Variants in MYCBP2 observed in about 807,000 individuals in gnomAD.
MYCBP2 encodes the protein E3 ubiquitin-protein ligase MYCBP2.
In MYCBP2, 120 loss-of-function variants were observed where a neutral mutation model predicts 525.3. The ratio of observed to expected loss-of-function variants is 0.23; its 90% CI spans 0.20 to 0.27. MYCBP2 has a LOEUF of 0.27. Among genes scored for constraint, MYCBP2 ranks in the 10% least tolerant of loss-of-function variants. The probability of loss-of-function intolerance (pLI) is 1.00; values close to 1 mark genes in which losing one functional copy is unlikely to be tolerated. For missense variants in MYCBP2, 4,149 were observed against 5,657.1 expected, an observed-to-expected ratio of 0.73 and a Z score of 8.55; for synonymous variants, 1,894 against 1,955.8, an observed-to-expected ratio of 0.97 and a Z score of 0.83.
At chr13:77,151,249 T>A (rs959326229) in intron 46 of MYCBP2, among the ~76,000 whole-genome samples, 1 of 152,216 alleles carries the variant, frequency 6.6e-6, no homozygotes, top group Non-Finnish European at 1.5e-5. Flanking sequence ...GATAGTGGAA[T>A]GAATCTACAT....
intron 2 of MYCBP2, among the ~76,000 whole-genome samples, chr13:77,294,158 TATATAAAGTAG>T (rs2077925712): frequency 1.8e-5 from 1 of 54,404 alleles, no homozygotes; most frequent in African/African-American, 4.3e-5. Flanking sequence ...ATATAAAATA[TATATAAAGTAG>T]ATATAAAGTA....
chr13:77,059,348 T>C (rs1197468936), intron 77 of MYCBP2, among the ~76,000 whole-genome samples, 175 bp downstream of exon 77: 1 of 152,082 alleles, frequency 6.6e-6, no homozygotes, highest in African/African-American at 2.4e-5. Flanking sequence ...GGTTTGGGCT[T>C]GAGAGCCTTA....
At chr13:77,157,669 G>C (rs555537937) in intron 45 of MYCBP2, among the ~76,000 whole-genome samples, 1 of 152,168 alleles carries the variant, frequency 6.6e-6, no homozygotes, top group South Asian at 2.1e-4. Flanking sequence ...AGAATCGCTT[G>C]AGTCCAGGAA....
chr13:77,267,827 T>C lies in MYCBP2; in HGVS notation c.1357+14A>G. On this transcript the variant is annotated intron_variant, in intron 8 of 82. Transcript: ENST00000544440. ...AAATTGCTTGTGGAGAAAAAATGAC[T>C]ACTTGAAACATACCTGGTAACATCA... 2 of 1,594,226 alleles carry C rather than the reference T, an allele frequency of 1.3e-6. No individual in the cohort carries two copies. The highest frequency in any genetic ancestry group is 1.7e-5 in the Admixed American group (1 of 59,666).
chr13:77,097,462 G>A lies in MYCBP2; in HGVS notation c.9692C>T (p.Ala3231Val). 1 of 1,613,478 alleles carries A rather than the reference G, an allele frequency of 6.2e-7. No individual in the cohort carries two copies. Among genetic ancestry groups the A allele is most frequent in the Non-Finnish European group, 8.5e-7 (1 of 1,179,742 alleles). Reference protein sequence around the residue: ...GNLFGEMAQLAVGGPEKDTIC... With the variant: ...GNLFGEMAQLVVGGPEKDTIC... ...GGTATCTTTCTCTGGTCCTCCTACT[G>A]CCAGCTGGGCCATCTCTCCAAACAA... Residue 3231 changes from alanine to valine, a missense_variant, in exon 56 of 83, where the codon GCA becomes GTA. This residue lies in a region of MYCBP2 where 653 missense variants were observed against 744.7 expected (regional missense o/e 0.88). Transcript: ENST00000544440.
intron 5 of MYCBP2, chr13:77,272,428 C>G (rs2075021924): frequency 6.6e-6 from 1 of 152,180 alleles, no homozygotes; most frequent in Non-Finnish European, 1.5e-5. Flanking sequence ...TATCAAAATT[C>G]ATAAGCTCAT....
intron 1 of MYCBP2, among the ~76,000 whole-genome samples, chr13:77,308,525 C>A (rs535288587): frequency 1.3e-5 from 2 of 152,330 alleles, no homozygotes; most frequent in South Asian, 4.1e-4. Context: ...CAGTACCTCT[C>A]CCACTGGATG....
chr13:77,266,941 G>A (rs1402549506), intron 8 of MYCBP2, among the ~76,000 whole-genome samples: 4 of 151,914 alleles, frequency 2.6e-5, no homozygotes, highest in African/African-American at 9.7e-5. Context: ...TCAAATAAAT[G>A]TTTGATGAAA....
At chr13:77,163,237 A>G (rs1360733917) in intron 43 of MYCBP2, among the ~76,000 whole-genome samples, 1 of 152,212 alleles carries the variant, frequency 6.6e-6, no homozygotes, top group Non-Finnish European at 1.5e-5. Flanking sequence ...TTTCTATGTC[A>G]AAAAGTATAT....
intron 17 of MYCBP2, among the ~76,000 whole-genome samples, chr13:77,240,053 G>A (rs1450478633): frequency 1.3e-5 from 2 of 151,988 alleles, no homozygotes; most frequent in Non-Finnish European, 2.9e-5. Context: ...TATCTTTCTT[G>A]TTTTATCTCT....
chr13:77,241,579 A>G (rs2068832312), intron 17 of MYCBP2, among the ~76,000 whole-genome samples: 1 of 152,194 alleles, frequency 6.6e-6, no homozygotes, highest in African/African-American at 2.4e-5. Context: ...GAAATATTTA[A>G]CATGCAATTT....
At chr13:77,158,541 C>A (rs967253987) in intron 44 of MYCBP2, among the ~76,000 whole-genome samples, 1 of 152,190 alleles carries the variant, frequency 6.6e-6, no homozygotes, top group Admixed American at 6.5e-5. Flanking sequence ...CTCCTGGGCT[C>A]AAGCGATCCT....
chr13:77,306,046 C>T (rs2079376579), intron 1 of MYCBP2, among the ~76,000 whole-genome samples: 3 of 151,892 alleles, frequency 2.0e-5, no homozygotes, highest in Admixed American at 6.6e-5. Context: ...GTAAGTGATG[C>T]AAATGAAATA....
At chr13:77,140,025 C>G (rs2054364882) in intron 51 of MYCBP2, 22 bp downstream of exon 51, 1 of 1,533,016 alleles carries the variant, frequency 6.5e-7, no homozygotes, top group Admixed American at 2.0e-5. Context: ...AATTTACTAC[C>G]AAAAGCTCCT....
At chr13:77,265,044 G>A (rs1403627423) in intron 8 of MYCBP2, among the ~76,000 whole-genome samples, 1 of 152,052 alleles carries the variant, frequency 6.6e-6, no homozygotes, top group Non-Finnish European at 1.5e-5. Flanking sequence ...GAATAAGCTG[G>A]ATTATTCTTT....
Position 77,044,909 on chromosome 13 carries a change from T to A in MYCBP2, c.*469A>T, listed in dbSNP as rs539988329. On this transcript the variant is annotated 3_prime_UTR_variant, in exon 83 of 83. Transcript: ENST00000544440. Reference sequence around the variant, plus strand: ...TGCTGTCCTAACACAATGTTTTTTTTTTTTTTAAATAACAGTCTAGGAAAT... The same window carrying A: ...TGCTGTCCTAACACAATGTTTTTTTATTTTTTAAATAACAGTCTAGGAAAT... 13 of 400,984 alleles carry A rather than the reference T, an allele frequency of 3.2e-5. No individual in the cohort carries two copies. Among genetic ancestry groups the A allele is most frequent in the African/African-American group, 2.3e-4 (11 of 48,764 alleles). 24.8% of individuals were successfully genotyped at this position (400,984 alleles called of 1,614,324 possible). A position where few individuals can be genotyped will look rare whatever the true frequency, so the allele number is the denominator to read the frequency against.
chr13:77,199,810 A>G (rs1163040374), intron 26 of MYCBP2, among the ~76,000 whole-genome samples: 3 of 152,314 alleles, frequency 2.0e-5, no homozygotes, highest in South Asian at 4.1e-4. Flanking sequence ...CTGGTACTCC[A>G]ACAGACCTGC....
chr13:77,241,241 A>T (rs2031804), intron 17 of MYCBP2, among the ~76,000 whole-genome samples: 87,068 of 152,052 alleles, frequency 0.57, 28,339 homozygotes, highest in Non-Finnish European at 0.73. Flanking sequence ...GCACGATTCA[A>T]TGTTCCTTTA....
intron 52 of MYCBP2, among the ~76,000 whole-genome samples, chr13:77,137,470 T>C (rs2053928358): frequency 3.3e-5 from 5 of 152,144 alleles, no homozygotes. Flanking sequence ...AAACACACAA[T>C]GGCCAGGTGT....
Sources: allele counts gnomAD v4.1 joint callset (sites outside exome capture counted in the v4.1 genomes callset), GRCh38; gene constraint gnomAD v4.1.1; regional missense constraint gnomAD v4.1.1; transcripts MANE v1.5; gene names NCBI Gene and HGNC (gene_info 2026-07-23, HGNC 2026-07-21).